GLUD1: variants seen among roughly 807,000 people sequenced by gnomAD.
The protein encoded by GLUD1 is glutamate dehydrogenase 1.
A neutral mutation model predicts 56.0 loss-of-function variants in GLUD1; 22 were observed. The observed-to-expected ratio is 0.39, with a 90% confidence interval of 0.28 to 0.56. The LOEUF is 0.56. GLUD1 is among the 20% of genes least tolerant of loss of function. The pLI, the probability that GLUD1 is intolerant of heterozygous loss-of-function variation, is 0.58. For synonymous variants in GLUD1, 223 were observed against 269.9 expected (o/e 0.83, Z 1.70); for missense variants, 451 against 732.0 (o/e 0.62, Z 4.43).
chr10:87,063,884 C>CTT (rs879765266), intron 5 of GLUD1, among the ~76,000 whole-genome samples: 5 of 145,296 alleles, frequency 3.4e-5, no homozygotes, highest in Non-Finnish European at 3.0e-5. Context: ...CTTTCTTTGT[C>CTT]TTTTTTTTTT....
chr10:87,092,241 T>A (rs371202808), intron 1 of GLUD1, among the ~76,000 whole-genome samples: 9 of 152,326 alleles, frequency 5.9e-5, no homozygotes, highest in African/African-American at 2.2e-4. Flanking sequence ...AACTAAAATA[T>A]TTAAGGGCTT....
intron 4 of GLUD1, among the ~76,000 whole-genome samples, chr10:87,073,641 C>T (rs1235137319): frequency 7.4e-5 from 7 of 95,060 alleles, no homozygotes; most frequent in East Asian, 7.1e-4. Context: ...TTTTTTGAGA[C>T]GGAGTCTCGC....
intron 11 of GLUD1, among the ~76,000 whole-genome samples, chr10:87,055,018 G>C (rs1845729345): frequency 1.3e-5 from 2 of 152,214 alleles, no homozygotes; most frequent in African/African-American, 4.8e-5. Context: ...AGGGCAGTGA[G>C]AAGAGGAGAA....
chr10:87,084,145 C>A (rs912417237), intron 1 of GLUD1, among the ~76,000 whole-genome samples: 2 of 152,168 alleles, frequency 1.3e-5, no homozygotes, highest in African/African-American at 4.8e-5. Flanking sequence ...ATTTATCAAT[C>A]TCAGTAAAGC....
rs768745478 is a variant in GLUD1, at chr10:87,094,669, C to T, written c.101G>A (p.Arg34Gln). 14 of 1,558,484 alleles carry T rather than the reference C, an allele frequency of 9.0e-6. 1 individual carries two copies. In the South Asian group the frequency reaches 1.4e-4, roughly 16 times the overall value. Residue 34 changes from arginine to glutamine, a missense_variant, in exon 1 of 13, where the codon CGG (arginine) becomes CAG (glutamine). Physicochemically the swap from Arg to Gln is conservative, Grantham distance 43. Coordinates refer to ENST00000277865, the MANE Select transcript of GLUD1 (RefSeq NM_005271.5). This position sits in a 1 kb window ranked among gnomAD's most constrained non-coding sequence, Gnocchi z 6.6. ...CTGCGGGGCGGCGGCGGGCTGTCCC[C>T]GGGCCCAGCCCAGCAACGCGGCCGA... ...ADSAALLGWA[R>Q]GQPAAAPQPG...
intron 4 of GLUD1, 49 bp downstream of exon 4, chr10:87,074,502 A>AAT: frequency 1.9e-6 from 2 of 1,065,068 alleles, no homozygotes; most frequent in African/African-American, 1.6e-5. Context: ...AAAAAAAAAA[A>AAT]TTTTTAGATG....
rs1845633778 is a variant in GLUD1, at chr10:87,051,648, T to C, written c.*103A>G. 6 of 1,257,222 alleles carry C rather than the reference T, an allele frequency of 4.8e-6. No individual in the cohort carries two copies. The highest frequency in any genetic ancestry group is 7.0e-6 in the Non-Finnish European group (6 of 856,266). The allele number at this position is 1,257,222 out of a possible 1,614,324, so 77.9% of individuals were successfully genotyped here. On this transcript the variant is annotated 3_prime_UTR_variant, in exon 13 of 13. Coordinates refer to ENST00000277865, the MANE Select transcript of GLUD1 (RefSeq NM_005271.5). ...TGTTGAGAATGGTATCCATTATTAA[T>C]GAGTCAGGAGAGAAAGGGATTTCTG...
intron 4 of GLUD1, among the ~76,000 whole-genome samples, chr10:87,068,781 A>G (rs1031287442): frequency 6.6e-6 from 1 of 152,062 alleles, no homozygotes; most frequent in African/African-American, 2.4e-5. Flanking sequence ...AGGAAATTAA[A>G]GGTTTAGGCT....
chr10:87,063,536 G>T (rs1161459347), intron 5 of GLUD1, among the ~76,000 whole-genome samples: 1 of 152,176 alleles, frequency 6.6e-6, no homozygotes, highest in African/African-American at 2.4e-5. Context: ...TCCCATTCAT[G>T]AGTGTCTTAA....
At chr10:87,081,247 C>T (rs1364288529) in intron 1 of GLUD1, among the ~76,000 whole-genome samples, 2 of 146,462 alleles carry the variant, frequency 1.4e-5, no homozygotes, top group Non-Finnish European at 3.0e-5. Context: ...GGTGAGGGGG[C>T]GCCTCTGCCT....
At chr10:87,058,022 C>T (rs760473824) in intron 10 of GLUD1, among the ~76,000 whole-genome samples, 8 of 152,086 alleles carry the variant, frequency 5.3e-5, no homozygotes, top group Non-Finnish European at 8.8e-5. Flanking sequence ...GTGCGCGCCA[C>T]CACGCCCAGC....
chr10:87,067,638 A>G, intron 5 of GLUD1: 1 of 193,042 alleles, frequency 5.2e-6, no homozygotes, highest in South Asian at 9.6e-5. Context: ...TATTCTACCC[A>G]TTTTCAAGGT....
Position 87,076,029 on chromosome 10 carries a change from A to T in GLUD1, c.527-6T>A, listed in dbSNP as rs746016727. ...AGCACCCCCAAACGGCACATCTGAA[A>T]GAGAAGGCTGATGGTTGCTATTCCA... On this transcript the variant is annotated splice_region_variant and splice_polypyrimidine_tract_variant and intron_variant, in intron 2 of 12. Coordinates refer to ENST00000277865, the MANE Select transcript of GLUD1 (RefSeq NM_005271.5). The T allele has an allele frequency of 6.3e-7, 1 of 1,593,098 alleles. No homozygotes were observed. The highest frequency in any genetic ancestry group is 1.1e-5 in the South Asian group (1 of 90,786).
At chr10:87,088,424 G>T (rs1156780299) in intron 1 of GLUD1, among the ~76,000 whole-genome samples, 2 of 151,870 alleles carry the variant, frequency 1.3e-5, no homozygotes, top group Non-Finnish European at 2.9e-5. Context: ...TAGAAAAATT[G>T]ATTTACTTAG....
In GLUD1 at chr10:87,094,625, C is replaced by T. The variant is rs1370163897; in HGVS notation, c.145G>A (p.Ala49Thr). The T allele has an allele frequency of 1.2e-6, 2 of 1,609,154 alleles. No homozygotes were observed. The highest frequency in any genetic ancestry group is 2.7e-5 in the African/African-American group (2 of 74,710). ...ACCGCCTCGCTGTAGTGGCGCCGGG[C>T]GGCCAATGCCAGCCCCGGCTGCGGG... ...AAPQPGLALA[A>T]RRHYSEAVAD... The change falls in exon 1 of 13, where the codon GCC becomes ACC. Residue 49 changes from alanine (A) to threonine (T), a missense_variant. Physicochemically the swap from Ala to Thr is moderately conservative, Grantham distance 58. This residue lies in a region of GLUD1 where 158 missense variants were observed against 189.7 expected (regional missense o/e 0.83). Transcript: ENST00000277865. This position sits in a 1 kb window ranked among gnomAD's most constrained non-coding sequence, Gnocchi z 6.6.
chr10:87,085,337 G>C (rs1841355664), intron 1 of GLUD1, among the ~76,000 whole-genome samples: 1 of 126,254 alleles, frequency 7.9e-6, no homozygotes, highest in African/African-American at 3.2e-5. Flanking sequence ...CAGAGAGTGA[G>C]ACTCCGTCTC....
intron 1 of GLUD1, among the ~76,000 whole-genome samples, chr10:87,078,138 G>T (rs893549806): frequency 6.6e-6 from 1 of 152,082 alleles, no homozygotes; most frequent in Admixed American, 6.5e-5. Flanking sequence ...TACTTATTTG[G>T]TCTACTGTAC....
chr10:87,079,270 C>CT (rs1397969463), intron 1 of GLUD1, among the ~76,000 whole-genome samples: 1 of 146,476 alleles, frequency 6.8e-6, no homozygotes, highest in Non-Finnish European at 1.5e-5. Flanking sequence ...TCATTTGTAT[C>CT]TTAAAAAAAA....
chr10:87,080,653 G>C (rs1274045153), intron 1 of GLUD1, among the ~76,000 whole-genome samples: 1 of 150,024 alleles, frequency 6.7e-6, no homozygotes, highest in Non-Finnish European at 1.5e-5. Flanking sequence ...GGTGAGGAGC[G>C]TCTCTGCCCA....
Sources: allele counts gnomAD v4.1 joint callset (sites outside exome capture counted in the v4.1 genomes callset), GRCh38; gene constraint gnomAD v4.1.1; regional missense constraint gnomAD v4.1.1; non-coding constraint Gnocchi (gnomAD v3.1); transcripts MANE v1.5; gene names NCBI Gene and HGNC (gene_info 2026-07-23, HGNC 2026-07-21).